The following CALCR variants were observed in gnomAD, a reference collection of about 807,000 sequenced individuals.
CALCR encodes calcitonin receptor.
CALCR carries 47 observed loss-of-function variants against 59.5 expected under a neutral mutation model. The observed-to-expected ratio is 0.79, with a 90% CI of 0.63 to 1.01. The LOEUF is 1.01. Among genes scored for constraint, CALCR ranks in the 50% least tolerant of loss-of-function variants. CALCR has a pLI of 0.00. For synonymous variants in CALCR, 213 were observed against 211.3 expected, an observed-to-expected ratio of 1.01 and a Z score of -0.07; for missense variants, 566 against 597.1, an observed-to-expected ratio of 0.95 and a Z score of 0.54.
intron 13 of CALCR, among the ~76,000 whole-genome samples, chr7:93,431,393 A>G (rs1434958266): frequency 6.6e-6 from 1 of 152,162 alleles, no homozygotes; most frequent in Non-Finnish European, 1.5e-5. Flanking sequence ...AGATAGATTC[A>G]CAGGCTCTAT....
chr7:93,434,303 G>A lies in CALCR; in HGVS notation c.1150-9C>T. On this transcript the variant is annotated splice_polypyrimidine_tract_variant and intron_variant, in intron 12 of 13. Coordinates refer to ENST00000426151, the MANE Select transcript of CALCR (RefSeq NM_001742.4). ...GTCGCAACAAAGAAGCCCTAAAAAG[G>A]GAAGGAAAAATACAGTTGAAGTTAT... 6.2e-7 allele frequency: 1 copy of A among 1,604,182 alleles called. No individual in the cohort carries two copies. Among genetic ancestry groups the A allele is most frequent in the Non-Finnish European group, 8.5e-7 (1 of 1,171,552 alleles).
At chr7:93,515,505 CT>C (rs1801631840) in intron 2 of CALCR, among the ~76,000 whole-genome samples, 1 of 152,024 alleles carries the variant, frequency 6.6e-6, no homozygotes, top group Admixed American at 6.6e-5. Context: ...AATAGTATTA[CT>C]TTAGCTGTTA....
chr7:93,568,509 T>TTCTCTCTCTC (rs4015269), intron 2 of CALCR, among the ~76,000 whole-genome samples: 1,532 of 102,260 alleles, frequency 0.015, 76 homozygotes, highest in African/African-American at 0.019. Context: ...TAAAATTACT[T>TTCTCTCTCTC]TCTCTCTCTC....
At chr7:93,482,164 G>C (rs574647014) in intron 3 of CALCR, among the ~76,000 whole-genome samples, 2 of 151,824 alleles carry the variant, frequency 1.3e-5, no homozygotes, top group Non-Finnish European at 2.9e-5. Context: ...ATTCCATGTT[G>C]AGGTTTCTTT....
intron 2 of CALCR, among the ~76,000 whole-genome samples, chr7:93,567,624 A>G (rs1429991909): frequency 6.6e-6 from 1 of 152,116 alleles, no homozygotes; most frequent in Non-Finnish European, 1.5e-5. Context: ...ATAGGTATAC[A>G]TGTGCCATGT....
chr7:93,450,921 G>A (rs1282699759), intron 8 of CALCR, among the ~76,000 whole-genome samples: 1 of 151,856 alleles, frequency 6.6e-6, no homozygotes, highest in Non-Finnish European at 1.5e-5. Flanking sequence ...TCTTCAAAAA[G>A]TGGTCTTATA....
chr7:93,462,254 G>GTATAGGA, intron 7 of CALCR: 1 of 516,602 alleles, frequency 1.9e-6, no homozygotes, highest in Non-Finnish European at 3.4e-6. Context: ...TGTTAAACAG[G>GTATAGGA]TATAGGATGT....
chr7:93,448,121 C>T (rs1359471020), intron 8 of CALCR, among the ~76,000 whole-genome samples: 1 of 151,950 alleles, frequency 6.6e-6, no homozygotes, highest in Admixed American at 6.6e-5. Flanking sequence ...CAAGCCTGTG[C>T]ATATTTCATT....
chr7:93,562,368 C>T (rs529422243), intron 2 of CALCR, among the ~76,000 whole-genome samples: 89 of 151,950 alleles, frequency 5.9e-4, no homozygotes, highest in Middle Eastern at 6.8e-3. Flanking sequence ...AAAGACTGAG[C>T]AATATCTATT....
intron 2 of CALCR, among the ~76,000 whole-genome samples, chr7:93,522,817 G>C (rs1256928104): frequency 6.6e-6 from 1 of 151,992 alleles, no homozygotes; most frequent in Non-Finnish European, 1.5e-5. Context: ...TAAGAAAAAA[G>C]ACCAGTATTT....
In CALCR at chr7:93,429,924, T is replaced by TG. The variant is rs1554393757; in HGVS notation, c.1192-3336_1192-3335insC. 3.5e-4 allele frequency among the ~76,000 whole-genome samples: 29 copies of TG among 83,092 alleles called. 1 individual carries two copies. In the East Asian group the frequency reaches 5.9e-3, roughly 17 times the overall value. 54.5% of individuals were successfully genotyped at this position (83,092 alleles called of 152,430 possible). On this transcript the variant is annotated intron_variant, in intron 13 of 13. Transcript: ENST00000426151. ...TGCACACTTTAGACGGTTTTTTTTT[T>TG]TGTTTGTTTGTTTTTTTGTTTTTTT... is the stretch of plus-strand genomic sequence containing the variant.
At chr7:93,436,279 T>C (rs1338791329) in intron 11 of CALCR, 109 bp from the exon 12 acceptor site, 4 of 860,294 alleles carry the variant, frequency 4.6e-6, no homozygotes, top group African/African-American at 3.3e-5. Flanking sequence ...GTTACCTACA[T>C]AGAACATGAG....
At chr7:93,535,905 G>C (rs1363772831) in intron 2 of CALCR, among the ~76,000 whole-genome samples, 1 of 151,670 alleles carries the variant, frequency 6.6e-6, no homozygotes, top group Non-Finnish European at 1.5e-5. Flanking sequence ...AAAGTTCTCT[G>C]GTTAAAACAG....
At chr7:93,511,050 A>G (rs190189195) in intron 2 of CALCR, among the ~76,000 whole-genome samples, 3 of 152,052 alleles carry the variant, frequency 2.0e-5, no homozygotes, top group African/African-American at 7.2e-5. Context: ...AAGTGTAAAA[A>G]CATGCTTAGT....
chr7:93,552,095 T>A (rs1022618823), intron 2 of CALCR, among the ~76,000 whole-genome samples: 2 of 152,308 alleles, frequency 1.3e-5, no homozygotes, highest in Middle Eastern at 3.4e-3. Flanking sequence ...AGGAATAGTT[T>A]AATGCAGAGA....
rs368083955 is a variant in CALCR at position 93,482,713 on chromosome 7, T to C, written c.52-3206A>G. 16 of 512,106 alleles carry C rather than the reference T, an allele frequency of 3.1e-5. No individual in the cohort carries two copies. The African/African-American group carries it at 3.1e-4, about 10-fold the overall frequency. The allele number at this position is 512,106 out of a possible 1,614,324, so 31.7% of individuals were successfully genotyped here. A position where few individuals can be genotyped will look rare whatever the true frequency, so the allele number is the denominator to read the frequency against. On this transcript the variant is annotated intron_variant, in intron 3 of 13. Transcript: ENST00000426151. The stretch of plus-strand genomic sequence containing the variant: ...GTTTTAACATCAGTAACAGTGGAAA[T>C]ACGACAATCTGTATACGAGTAGTTA...
At chr7:93,529,477 C>A (rs1219225252) in intron 2 of CALCR, among the ~76,000 whole-genome samples, 1 of 152,166 alleles carries the variant, frequency 6.6e-6, no homozygotes, top group East Asian at 1.9e-4. Flanking sequence ...TTCTTTACAG[C>A]AATGTAAGAA....
At chr7:93,504,253 A>G (rs1287707161) in intron 2 of CALCR, among the ~76,000 whole-genome samples, 2 of 152,180 alleles carry the variant, frequency 1.3e-5, no homozygotes, top group Admixed American at 1.3e-4. Context: ...CCCAACAGGG[A>G]AAAAAACCAA....
At chr7:93,524,173 TC>T (rs1801824412) in intron 2 of CALCR, among the ~76,000 whole-genome samples, 6 of 150,360 alleles carry the variant, frequency 4.0e-5, no homozygotes, top group Admixed American at 6.6e-5. Context: ...TATTTTTTTT[TC>T]TTTTTTTTTT....
Sources: allele counts gnomAD v4.1 joint callset (sites outside exome capture counted in the v4.1 genomes callset), GRCh38; gene constraint gnomAD v4.1.1; transcripts MANE v1.5; gene names NCBI Gene and HGNC (gene_info 2026-07-23, HGNC 2026-07-21).